ZNF395: variants seen among roughly 807,000 people sequenced by gnomAD.
ZNF395 encodes the protein HD gene regulatory region-binding protein 2.
Under a neutral mutation model 57.7 loss-of-function variants are expected in ZNF395, and 20 were observed. That is an observed-to-expected ratio of 0.35 (90% CI 0.24 to 0.50). ZNF395 has a LOEUF of 0.50. Among genes scored for constraint, ZNF395 ranks in the 20% least tolerant of loss-of-function variants. The probability of loss-of-function intolerance (pLI) is 0.97; values close to 1 mark genes in which losing one functional copy is unlikely to be tolerated. For synonymous variants in ZNF395, 295 were observed against 275.9 expected (o/e 1.07, Z -0.69); for missense variants, 606 against 671.2 (o/e 0.90, Z 1.07).
Position 28,379,600 on chromosome 8 carries a change from T to TC in ZNF395, c.-59+6792dup, listed in dbSNP as rs548840947. Reference sequence around the variant, plus strand: ...AACAGAAAAATCCCAACGCTTTTTTTCTCCATGCCCTGCCCCTCCTCAGTG... The same window carrying TC: ...AACAGAAAAATCCCAACGCTTTTTTTCCTCCATGCCCTGCCCCTCCTCAGTG... On this transcript the variant is annotated intron_variant, in intron 1 of 9. Transcript: ENST00000344423. Among the ~76,000 whole-genome samples, 27 of 152,260 alleles carry TC rather than the reference T, an allele frequency of 1.8e-4. No homozygotes were observed. The East Asian group carries it at 5.2e-3, about 29-fold the overall frequency.
intron 1 of ZNF395, among the ~76,000 whole-genome samples, chr8:28,370,378 G>A (rs1274499799): frequency 1.3e-5 from 2 of 152,186 alleles, no homozygotes; most frequent in Admixed American, 1.3e-4. Flanking sequence ...AACCACTAAG[G>A]AAGTGCCTTA....
intron 1 of ZNF395, among the ~76,000 whole-genome samples, chr8:28,378,838 G>C (rs549317080): frequency 6.6e-6 from 1 of 152,148 alleles, no homozygotes; most frequent in Non-Finnish European, 1.5e-5. Context: ...GCCAACAGCC[G>C]TAAGCTCACT....
At chr8:28,357,801 G>T (rs1043656271) in intron 3 of ZNF395, among the ~76,000 whole-genome samples, 1 of 152,080 alleles carries the variant, frequency 6.6e-6, no homozygotes, top group Non-Finnish European at 1.5e-5. Context: ...GTGTTTTTTC[G>T]CACTCATAGA....
chr8:28,348,513 A>C lies in ZNF395; in HGVS notation c.*206T>G. 1.8e-6 allele frequency: 1 copy of C among 547,396 alleles called. No homozygotes were observed. The highest frequency in any genetic ancestry group is 3.3e-6 in the Non-Finnish European group (1 of 305,472). 33.9% of individuals were successfully genotyped at this position (547,396 alleles called of 1,614,324 possible). On this transcript the variant is annotated 3_prime_UTR_variant, in exon 10 of 10. Transcript: ENST00000344423. ...TTGGCTCTCTCCTATTTTAGGGGGAAAAATATTTTTGTTTCTTTTTTTTAA... is the reference window on the plus strand; with the variant it reads ...TTGGCTCTCTCCTATTTTAGGGGGACAAATATTTTTGTTTCTTTTTTTTAA...
Position 28,356,861 on chromosome 8 carries a change from G to T in ZNF395, c.474-82C>A. Reference sequence around the variant, plus strand: ...CCTTGCAAAACGAGACACCACTTCTGGCTGGTTTCACACAATCATCTTACA... The same window carrying T: ...CCTTGCAAAACGAGACACCACTTCTTGCTGGTTTCACACAATCATCTTACA... On this transcript the variant is annotated intron_variant, in intron 3 of 9. Transcript: ENST00000344423. This position sits in a 1 kb window ranked among gnomAD's most constrained non-coding sequence, Gnocchi z 4.0. 2.6e-6 allele frequency: 3 copies of T among 1,142,780 alleles called. No individual in the cohort carries two copies. Among genetic ancestry groups the T allele is most frequent in the Non-Finnish European group, 3.8e-6 (3 of 793,734 alleles). The allele number at this position is 1,142,780 out of a possible 1,614,324, so 70.8% of individuals were successfully genotyped here.
intron 1 of ZNF395, among the ~76,000 whole-genome samples, chr8:28,374,138 G>GAATT (rs1212703061): frequency 6.6e-6 from 1 of 152,214 alleles, no homozygotes; most frequent in Admixed American, 6.5e-5. Flanking sequence ...GGGAGACCGG[G>GAATT]CAGAGGTTAA....
chr8:28,385,532 G>A (rs1802166207), intron 1 of ZNF395: 1 of 150,936 alleles, frequency 6.6e-6, no homozygotes, highest in Non-Finnish European at 1.5e-5. Context: ...GGAGGGACGC[G>A]GGTCGCCCGC....
chr8:28,377,871 C>T (rs1027901175), intron 1 of ZNF395, among the ~76,000 whole-genome samples: 1 of 150,312 alleles, frequency 6.7e-6, no homozygotes, highest in African/African-American at 2.5e-5. Context: ...GATTCTCCTG[C>T]CTCAGCCTCC....
intron 8 of ZNF395, 119 bp downstream of exon 8, chr8:28,349,945 A>T (rs146991143): frequency 2.9e-5 from 25 of 869,558 alleles, no homozygotes; most frequent in Non-Finnish European, 3.7e-5. Context: ...GCTGAAAGCA[A>T]GATGGCCACA....
Position 28,349,955 on chromosome 8 carries a change from A to AGGT in ZNF395, c.1326+108_1326+109insACC, listed in dbSNP as rs1585849704. 14 of 997,816 alleles carry AGGT rather than the reference A, an allele frequency of 1.4e-5. No individual in the cohort carries two copies. The East Asian group carries it at 3.5e-4, about 25-fold the overall frequency. 61.8% of individuals were successfully genotyped at this position (997,816 alleles called of 1,614,324 possible). ...TGGGGGCTGAAAGCAAGATGGCCAC[A>AGGT]CCGACCTGTGGCCACGTGCCCCGTG... On this transcript the variant is annotated intron_variant, in intron 8 of 9. Transcript: ENST00000344423.
intron 1 of ZNF395, among the ~76,000 whole-genome samples, chr8:28,371,012 T>C (rs918044390): frequency 2.0e-5 from 3 of 152,236 alleles, no homozygotes; most frequent in Non-Finnish European, 4.4e-5. Flanking sequence ...TTTCGCAGAC[T>C]GTGTCTCATT....
rs1283556776 is a variant in ZNF395 at position 28,347,900 on chromosome 8, C to T, written c.*819G>A. 6.6e-6 allele frequency: 1 copy of T among 152,200 alleles called. No individual in the cohort carries two copies. The allele number at this position is 152,200 out of a possible 1,614,324, so 9.4% of individuals were successfully genotyped here. A position where few individuals can be genotyped will look rare whatever the true frequency, so the allele number is the denominator to read the frequency against. ...TTCCTCGGGTCAGAGCAGAGAGTTT[C>T]CAGACGCTCAAACCCTCCAGGAGTT... On this transcript the variant is annotated 3_prime_UTR_variant, in exon 10 of 10. Transcript: ENST00000344423.
At chr8:28,355,092 T>C (rs1466834748) in intron 4 of ZNF395, among the ~76,000 whole-genome samples, 2 of 152,136 alleles carry the variant, frequency 1.3e-5, no homozygotes, top group African/African-American at 4.8e-5. Flanking sequence ...ATCATAAGTT[T>C]TTCTAGGACA....
chr8:28,373,444 C>T (rs538310512), intron 1 of ZNF395, among the ~76,000 whole-genome samples: 52 of 152,176 alleles, frequency 3.4e-4, no homozygotes, highest in Non-Finnish European at 5.3e-4. Flanking sequence ...GCCACGTGGC[C>T]GCATTCTAGA....
chr8:28,372,370 C>A (rs1246566151), intron 1 of ZNF395, among the ~76,000 whole-genome samples: 1 of 152,198 alleles, frequency 6.6e-6, no homozygotes, highest in Non-Finnish European at 1.5e-5. Context: ...AAAAAGTAGA[C>A]ACCAAATCCC....
At chr8:28,373,433 A>T (rs1053785446) in intron 1 of ZNF395, among the ~76,000 whole-genome samples, 2 of 152,224 alleles carry the variant, frequency 1.3e-5, no homozygotes, top group Non-Finnish European at 2.9e-5. Flanking sequence ...TGCTAATAAC[A>T]GCCACGTGGC....
At chr8:28,377,318 G>A (rs920777010) in intron 1 of ZNF395, among the ~76,000 whole-genome samples, 1 of 152,166 alleles carries the variant, frequency 6.6e-6, no homozygotes, top group Admixed American at 6.5e-5. Flanking sequence ...GTGGGAGGAT[G>A]CCTCGAGCCC....
rs1483072355 is a variant in ZNF395 at position 28,353,316 on chromosome 8, C to G, written c.676G>C (p.Gly226Arg). 6.2e-7 allele frequency: 1 copy of G among 1,606,774 alleles called. No homozygotes were observed. The highest frequency in any genetic ancestry group is 2.2e-5 in the East Asian group (1 of 44,690). ...TGGGGGGGCGAGGGGGTGGAGACACCACTGCTCCCACTCCAGTGACCGCTG... is the reference window on the plus strand; with the variant it reads ...TGGGGGGGCGAGGGGGTGGAGACACGACTGCTCCCACTCCAGTGACCGCTG... ...TTSGHWSGSSGVSTPSPPHPQ... is the reference protein window; with the variant it reads ...TTSGHWSGSSRVSTPSPPHPQ... Residue 226 changes from glycine (G) to arginine (R), a missense_variant, in exon 5 of 10, where the codon GGT becomes CGT. Coordinates refer to ENST00000344423, the MANE Select transcript of ZNF395 (RefSeq NM_018660.3).
At position 28,348,848 on chromosome 8, in the gene ZNF395, T is replaced by C. The variant is rs1295312358; in HGVS notation, c.1431-18A>G. 6.2e-7 allele frequency: 1 copy of C among 1,612,640 alleles called. No homozygotes were observed. The highest frequency in any genetic ancestry group is 8.5e-7 in the Non-Finnish European group (1 of 1,179,004). ...GGGCTTTCCTGCAGAAAGAGAGGAA[T>C]GCAAATCGAGCCCCACACAGGTGGT... On this transcript the variant is annotated intron_variant, in intron 9 of 9. Transcript: ENST00000344423.
Sources: allele counts gnomAD v4.1 joint callset (sites outside exome capture counted in the v4.1 genomes callset), GRCh38; gene constraint gnomAD v4.1.1; non-coding constraint Gnocchi (gnomAD v3.1); transcripts MANE v1.5; gene names NCBI Gene and HGNC (gene_info 2026-07-23, HGNC 2026-07-21).